FRMPD4: variants seen among roughly 807,000 people sequenced by gnomAD.
FRMPD4 encodes FERM and PDZ domain containing 4, also known as FERM and PDZ domain-containing protein 4.
Under a neutral mutation model 94.1 loss-of-function variants are expected in FRMPD4, and 22 were observed. The ratio of observed to expected loss-of-function variants is 0.23; its 90% CI spans 0.17 to 0.33. The LOEUF is 0.33. Ranked by LOEUF, FRMPD4 falls within the 10% of genes least tolerant of loss-of-function variation. The pLI is 1.00. For missense variants in FRMPD4, 1,111 were observed against 1,339.9 expected (o/e 0.83, Z 2.67); for synonymous variants, 631 against 548.6 (o/e 1.15, Z -2.10).
chrX:12,696,811 A>G (rs1005877743), intron 9 of FRMPD4, among the ~76,000 whole-genome samples: 2 of 112,116 alleles, frequency 1.8e-5, no homozygotes, highest in Non-Finnish European at 3.8e-5. Flanking sequence ...GCTGGGTAGA[A>G]AAAAAAGTAG....
intron 2 of FRMPD4, among the ~76,000 whole-genome samples, chrX:12,563,148 A>G (rs933980602): frequency 1.8e-5 from 2 of 111,576 alleles, no homozygotes; most frequent in African/African-American, 6.5e-5. Flanking sequence ...TGGGCTGTCA[A>G]TGTTGAAACT....
chrX:11,833,954 A>G (rs2053488537), intron 1 of FRMPD4, among the ~76,000 whole-genome samples: 2 of 111,897 alleles, frequency 1.8e-5, no homozygotes, highest in South Asian at 7.5e-4. Context: ...CTTGAGCCCC[A>G]GAAAGACTGT....
At chrX:12,608,180 C>T (rs759304875) in intron 2 of FRMPD4, among the ~76,000 whole-genome samples, 9 of 112,713 alleles carry the variant, frequency 8.0e-5, no homozygotes, top group African/African-American at 2.6e-4. Context: ...AGAAGGCTGC[C>T]TTGAACAATG....
At chrX:11,951,220 G>T (rs947108897) in intron 3 of FRMPD4, among the ~76,000 whole-genome samples, 2 of 110,850 alleles carry the variant, frequency 1.8e-5, no homozygotes, top group African/African-American at 6.6e-5. Context: ...AATACCATTC[G>T]ACCCAGCAAT....
At chrX:12,408,415 C>G (rs764358961) in intron 1 of FRMPD4, among the ~76,000 whole-genome samples, 47 of 111,007 alleles carry the variant, frequency 4.2e-4, no homozygotes, top group African/African-American at 1.5e-3. Flanking sequence ...AAAGACACTG[C>G]TTTGTACATA....
At chrX:12,379,683 G>A (rs750720857) in intron 1 of FRMPD4, among the ~76,000 whole-genome samples, 1 of 104,242 alleles carries the variant, frequency 9.6e-6, no homozygotes, top group East Asian at 2.9e-4. Context: ...GTGTGTGTGT[G>A]TATCTTTCAG....
intron 1 of FRMPD4, among the ~76,000 whole-genome samples, chrX:12,343,195 G>A (rs774053083): frequency 3.6e-5 from 4 of 112,080 alleles, no homozygotes; most frequent in South Asian, 7.5e-4. Context: ...GATGAATGAG[G>A]TAGGGATGGG....
At chrX:12,457,311 C>T (rs1053315585) in intron 1 of FRMPD4, among the ~76,000 whole-genome samples, 3 of 111,660 alleles carry the variant, frequency 2.7e-5, no homozygotes, top group African/African-American at 9.8e-5. Context: ...AGACTACTGA[C>T]CCTCTCATAA....
At chrX:12,536,526 G>A (rs1030139374) in intron 2 of FRMPD4, among the ~76,000 whole-genome samples, 3 of 111,552 alleles carry the variant, frequency 2.7e-5, no homozygotes, top group Non-Finnish European at 3.8e-5. Flanking sequence ...CCTTGTCTAC[G>A]CACAACCTCT....
At chrX:11,849,484 A>T (rs1411365208) in intron 1 of FRMPD4, among the ~76,000 whole-genome samples, 1 of 111,528 alleles carries the variant, frequency 9.0e-6, no homozygotes, top group African/African-American at 3.3e-5. Flanking sequence ...AAAAGAAAAA[A>T]GTTGGGGGCC....
intron 1 of FRMPD4, among the ~76,000 whole-genome samples, chrX:11,852,306 G>A (rs2053627812): frequency 9.2e-6 from 1 of 109,040 alleles, no homozygotes; most frequent in Non-Finnish European, 1.9e-5. Context: ...ACTTTCTCAG[G>A]GTTTATGGTA....
intron 1 of FRMPD4, among the ~76,000 whole-genome samples, chrX:12,462,966 G>A (rs2057405885): frequency 8.9e-6 from 1 of 111,856 alleles, no homozygotes; most frequent in Non-Finnish European, 1.9e-5. Context: ...TCCAGCCTGG[G>A]CAACACAGGA....
At position 12,551,373 on chromosome X, in the gene FRMPD4, T is replaced by C. The variant is rs578168056; in HGVS notation, c.158+52577T>C. ...TTTAAATATATATATCCAAAACATA[T>C]AATGACACTGAAATTATCATACCCC... On this transcript the variant is annotated intron_variant, in intron 2 of 16. Transcript: ENST00000675598. 7.2e-5 allele frequency among the ~76,000 whole-genome samples: 8 copies of C among 110,696 alleles called. No individual in the cohort carries two copies. The South Asian group carries it at 1.9e-3, about 27-fold the overall frequency.
chrX:12,531,883 C>T (rs2058289194), intron 2 of FRMPD4, among the ~76,000 whole-genome samples: 1 of 111,857 alleles, frequency 8.9e-6, no homozygotes, highest in Admixed American at 9.5e-5. Context: ...CTTCTTACCA[C>T]TCCCTCCTGC....
At chrX:12,078,332 G>A (rs1333449732) in intron 3 of FRMPD4, among the ~76,000 whole-genome samples, 1 of 112,236 alleles carries the variant, frequency 8.9e-6, no homozygotes, top group Non-Finnish European at 1.9e-5. Flanking sequence ...CTTTTCCATT[G>A]TCTATTGGTT....
chrX:12,180,666 T>C (rs1057280837), intron 1 of FRMPD4, among the ~76,000 whole-genome samples: 3 of 112,434 alleles, frequency 2.7e-5, no homozygotes, highest in African/African-American at 9.7e-5. Context: ...AAATCAGAGG[T>C]TGATAAACTT....
At chrX:12,468,904 T>C (rs896643994) in intron 1 of FRMPD4, among the ~76,000 whole-genome samples, 17 of 112,447 alleles carry the variant, frequency 1.5e-4, no homozygotes, top group Admixed American at 8.5e-4. Flanking sequence ...AGTTTCACAT[T>C]GTACAGGGCA....
At chrX:12,243,814 TTTTTTTTTTTG>T (rs2053914814) in intron 1 of FRMPD4, among the ~76,000 whole-genome samples, 1 of 85,031 alleles carries the variant, frequency 1.2e-5, no homozygotes, top group African/African-American at 4.4e-5. Context: ...TTTTTTTTTT[TTTTTTTTTTTG>T]AGGCAAAGCC....
At chrX:12,367,543 C>T (rs1424098160) in intron 1 of FRMPD4, among the ~76,000 whole-genome samples, 3 of 111,925 alleles carry the variant, frequency 2.7e-5, no homozygotes, top group Non-Finnish European at 3.8e-5. Context: ...GATTGGAGGG[C>T]GTGGGATTCG....
Sources: allele counts gnomAD v4.1 joint callset (sites outside exome capture counted in the v4.1 genomes callset), GRCh38; gene constraint gnomAD v4.1.1; transcripts MANE v1.5; gene names NCBI Gene and HGNC (gene_info 2026-07-23, HGNC 2026-07-21).